NWD2: variants seen among roughly 807,000 people sequenced by gnomAD.
NWD2 encodes the protein NACHT and WD repeat domain-containing protein 2.
NWD2 carries 37 observed loss-of-function variants against 132.7 expected under a neutral mutation model. That is an observed-to-expected ratio of 0.28 (90% CI 0.21 to 0.37). The LOEUF (loss-of-function observed/expected upper bound fraction) is 0.37, where lower values mean the gene tolerates loss of function less well. NWD2 is among the 10% of genes least tolerant of loss of function. NWD2 has a pLI of 1.00. For synonymous variants in NWD2, 705 were observed against 803.0 expected, an observed-to-expected ratio of 0.88 and a Z score of 2.06; for missense variants, 1,592 against 2,122.4, an observed-to-expected ratio of 0.75 and a Z score of 4.91.
At chr4:37,247,002 G>A (rs1435381) in intron 1 of NWD2, among the ~76,000 whole-genome samples, 122,381 of 152,200 alleles carry the variant, frequency 0.8, 49,771 homozygotes, top group East Asian at 0.99. Context: ...TAGTTTCTTC[G>A]AATAAAAGCT....
At chr4:37,334,280 A>G (rs924964905) in intron 2 of NWD2, among the ~76,000 whole-genome samples, 1 of 152,206 alleles carries the variant, frequency 6.6e-6, no homozygotes, top group African/African-American at 2.4e-5. Flanking sequence ...TCTTTGCTTA[A>G]AAGTTTTTAA....
At chr4:37,440,276 C>CTG (rs1712446371) in intron 6 of NWD2, among the ~76,000 whole-genome samples, 1 of 152,212 alleles carries the variant, frequency 6.6e-6, no homozygotes, top group South Asian at 2.1e-4. Context: ...TAGACAGGAC[C>CTG]TGCGAAAAGC....
At chr4:37,266,566 A>C (rs542096251) in intron 1 of NWD2, among the ~76,000 whole-genome samples, 4 of 152,052 alleles carry the variant, frequency 2.6e-5, no homozygotes, top group South Asian at 2.1e-4. Context: ...CAACCCTTAG[A>C]CCAATCACTG....
At chr4:37,351,870 A>G (rs1353013849) in intron 2 of NWD2, among the ~76,000 whole-genome samples, 2 of 152,144 alleles carry the variant, frequency 1.3e-5, no homozygotes, top group African/African-American at 2.4e-5. Flanking sequence ...AGATTCTGGT[A>G]TGTTGTGTCT....
intron 1 of NWD2, among the ~76,000 whole-genome samples, chr4:37,270,090 G>A (rs1417140329): frequency 2.0e-5 from 3 of 151,544 alleles, no homozygotes; most frequent in African/African-American, 7.3e-5. Context: ...GCATCTTTTT[G>A]TTCTTATTTG....
At chr4:37,347,332 T>C (rs1003976818) in intron 2 of NWD2, among the ~76,000 whole-genome samples, 7 of 152,178 alleles carry the variant, frequency 4.6e-5, no homozygotes, top group Non-Finnish European at 7.4e-5. Flanking sequence ...AATTTGTTTA[T>C]AGTATTGTCA....
At chr4:37,401,332 G>A (rs1303100299) in intron 3 of NWD2, among the ~76,000 whole-genome samples, 1 of 152,084 alleles carries the variant, frequency 6.6e-6, no homozygotes, top group Non-Finnish European at 1.5e-5. Flanking sequence ...GGCTTAACAA[G>A]AAAAACTGCT....
intron 1 of NWD2, among the ~76,000 whole-genome samples, chr4:37,268,036 A>G (rs1717793459): frequency 6.6e-6 from 1 of 151,892 alleles, no homozygotes; most frequent in Non-Finnish European, 1.5e-5. Flanking sequence ...CTGTACAAAG[A>G]AAATAGATTT....
chr4:37,262,594 T>A lies in NWD2; in HGVS notation c.151+17376T>A, dbSNP rs148278004. On this transcript the variant is annotated intron_variant, in intron 1 of 6. Transcript: ENST00000309447. ...CTACCCACTCCAGAAATTCAGCAAT[T>A]CATTCAGTGTTCTGGGAGGATAGTG... Among the ~76,000 whole-genome samples, 58 of 152,276 alleles carry A rather than the reference T, an allele frequency of 3.8e-4. 2 individuals are homozygous for A. In the East Asian group the frequency reaches 7.0e-3, roughly 18 times the overall value.
intron 3 of NWD2, among the ~76,000 whole-genome samples, chr4:37,375,591 C>T (rs1323626835): frequency 3.6e-5 from 5 of 140,528 alleles, no homozygotes; most frequent in Admixed American, 7.6e-5. Context: ...TTTTCCGAGA[C>T]GGAGTCTGGC....
At chr4:37,316,939 A>G (rs1213542440) in intron 1 of NWD2, among the ~76,000 whole-genome samples, 1 of 152,128 alleles carries the variant, frequency 6.6e-6, no homozygotes, top group African/African-American at 2.4e-5. Context: ...ACCTGGACTA[A>G]ATCTGTGAAA....
intron 1 of NWD2, among the ~76,000 whole-genome samples, chr4:37,281,359 A>G (rs901641489): frequency 1.3e-5 from 2 of 151,872 alleles, no homozygotes; most frequent in African/African-American, 4.8e-5. Context: ...TTTTTTTTGA[A>G]AAGCTGCTAT....
chr4:37,369,791 G>A (rs1176608533), intron 3 of NWD2, among the ~76,000 whole-genome samples: 3 of 152,194 alleles, frequency 2.0e-5, no homozygotes, highest in South Asian at 2.1e-4. Flanking sequence ...ACTGAAAGTG[G>A]AGGTCAAATA....
intron 1 of NWD2, among the ~76,000 whole-genome samples, chr4:37,309,864 C>A (rs1478835666): frequency 2.6e-5 from 4 of 152,166 alleles, no homozygotes. Context: ...GTTGTTCTCC[C>A]TAGGCATGCA....
intron 1 of NWD2, among the ~76,000 whole-genome samples, chr4:37,298,945 G>A (rs1321255756): frequency 6.6e-6 from 1 of 152,058 alleles, no homozygotes; most frequent in Non-Finnish European, 1.5e-5. Flanking sequence ...GGTTTATAAT[G>A]GCTTGTGAAC....
At chr4:37,377,687 C>T (rs1016382475) in intron 3 of NWD2, among the ~76,000 whole-genome samples, 26 of 152,118 alleles carry the variant, frequency 1.7e-4, no homozygotes, top group African/African-American at 3.4e-4. Context: ...GCCGAGATCA[C>T]GCCGTTGCAC....
chr4:37,438,429 GGCCCAGATGGGTCCCT>G (rs915805782), intron 5 of NWD2, among the ~76,000 whole-genome samples: 2 of 152,092 alleles, frequency 1.3e-5, no homozygotes, highest in Non-Finnish European at 2.9e-5. Flanking sequence ...TTTCTTTCCT[GGCCCAGATGGGTCCCT>G]GCTGTTCCCT....
intron 1 of NWD2, among the ~76,000 whole-genome samples, chr4:37,276,308 A>G (rs538070559): frequency 7.2e-5 from 11 of 152,344 alleles, no homozygotes; most frequent in Admixed American, 7.2e-4. Flanking sequence ...TCTCAAAAGA[A>G]GACATTTATG....
chr4:37,276,393 T>A (rs1718013815), intron 1 of NWD2, among the ~76,000 whole-genome samples: 1 of 152,182 alleles, frequency 6.6e-6, no homozygotes, highest in South Asian at 2.1e-4. Context: ...CACAATGAGA[T>A]AACCTCTCAC....
Sources: gnomAD v4.1 joint callset for allele counts (sites outside exome capture counted in the v4.1 genomes callset) on GRCh38, gnomAD v4.1.1 for gene constraint, MANE v1.5 for transcripts, NCBI Gene and HGNC (gene_info 2026-07-23, HGNC 2026-07-21) for gene names.